The following TSHR variants were observed in gnomAD, a reference collection of about 807,000 sequenced individuals.
TSHR encodes the protein thyroid stimulating hormone receptor, also known as thyrotropin receptor.
A neutral mutation model predicts 64.1 loss-of-function variants in TSHR; 51 were observed. The observed-to-expected ratio is 0.80, with a 90% CI of 0.64 to 1.01. The LOEUF (loss-of-function observed/expected upper bound fraction) is 1.01. Ranked by LOEUF, TSHR falls within the 50% of genes least tolerant of loss-of-function variation. TSHR has a pLI of 0.00. For missense variants in TSHR, 877 were observed against 942.8 expected (o/e 0.93, Z 0.91); for synonymous variants, 361 against 361.9 (o/e 1.00, Z 0.03).
At chr14:80,963,455 C>T (rs1887141815) in intron 1 of TSHR, among the ~76,000 whole-genome samples, 1 of 151,912 alleles carries the variant, frequency 6.6e-6, no homozygotes, top group Non-Finnish European at 1.5e-5. Context: ...GACCCTACAA[C>T]AACAACAAAA....
At chr14:81,059,702 C>G (rs1186885432) in intron 1 of TSHR, among the ~76,000 whole-genome samples, 1 of 152,056 alleles carries the variant, frequency 6.6e-6, no homozygotes, top group Non-Finnish European at 1.5e-5. Flanking sequence ...GACAGATGCT[C>G]TGAGACACAT....
intron 1 of TSHR, among the ~76,000 whole-genome samples, chr14:80,981,735 G>A (rs375544699): frequency 6.6e-6 from 1 of 152,072 alleles, no homozygotes; most frequent in South Asian, 2.1e-4. Context: ...ATTGTCGGAC[G>A]ACCATCAGCT....
At chr14:80,959,965 C>G (rs1054135704) in intron 1 of TSHR, among the ~76,000 whole-genome samples, 8 of 152,096 alleles carry the variant, frequency 5.3e-5, no homozygotes, top group African/African-American at 1.9e-4. Context: ...TAAGAGGTAA[C>G]CAGAAAACTA....
intron 3 of TSHR, among the ~76,000 whole-genome samples, chr14:81,085,258 G>A (rs916629177): frequency 3.9e-5 from 6 of 152,058 alleles, no homozygotes; most frequent in Non-Finnish European, 7.4e-5. Flanking sequence ...ACAGGCATGC[G>A]CCACCACACC....
chr14:81,119,041 A>G (rs572354624), intron 8 of TSHR, among the ~76,000 whole-genome samples: 2,615 of 139,162 alleles, frequency 0.019, 29 homozygotes, highest in Middle Eastern at 0.082. Flanking sequence ...GATGGATTAA[A>G]GACTTAAACG....
intron 1 of TSHR, among the ~76,000 whole-genome samples, chr14:81,042,914 C>T (rs1305282821): frequency 2.0e-5 from 3 of 151,812 alleles, no homozygotes. Context: ...TAAATATGTA[C>T]AATTATAATG....
At chr14:81,106,039 G>C (rs1023564525) in intron 7 of TSHR, among the ~76,000 whole-genome samples, 2 of 152,042 alleles carry the variant, frequency 1.3e-5, no homozygotes, top group Non-Finnish European at 2.9e-5. Flanking sequence ...TTAAAGGAGA[G>C]TCAAACAATG....
chr14:80,990,832 G>A (rs779757995), intron 1 of TSHR, among the ~76,000 whole-genome samples: 1 of 151,990 alleles, frequency 6.6e-6, no homozygotes, highest in Non-Finnish European at 1.5e-5. Context: ...TTTTTATATC[G>A]TTAGTAGAGA....
intron 7 of TSHR, chr14:81,104,182 C>A: frequency 1.0e-6 from 1 of 985,398 alleles, no homozygotes; most frequent in Non-Finnish European, 1.2e-6. Context: ...AAACAGCTGT[C>A]CTGATTTCTG....
intron 1 of TSHR, among the ~76,000 whole-genome samples, chr14:80,998,138 C>T (rs1238815018): frequency 6.6e-6 from 1 of 151,864 alleles, no homozygotes; most frequent in East Asian, 1.9e-4. Context: ...TGATCCAAGA[C>T]AAAAGGACAA....
rs2140110814 is a variant in TSHR at position 81,143,402 on chromosome 14, C to T, written c.1344C>T (p.Val448=). 4.3e-6 allele frequency: 7 copies of T among 1,614,186 alleles called. No individual in the cohort carries two copies. The highest frequency in any genetic ancestry group is 5.9e-6 in the Non-Finnish European group (7 of 1,180,038). Residue 448 remains valine (V), a synonymous_variant, in exon 10 of 10, where the codon GTC becomes GTT. Coordinates refer to ENST00000298171, the MANE Select transcript of TSHR (RefSeq NM_000369.5). ...TCACCAGCCACTACAAACTGAACGT[C>T]CCCCGCTTTCTCATGTGCAACCTGG... is the stretch of plus-strand genomic sequence containing the variant. ...ILLTSHYKLN[V]PRFLMCNLAF...
At chr14:81,015,290 G>A (rs1236269760) in intron 1 of TSHR, among the ~76,000 whole-genome samples, 1 of 152,042 alleles carries the variant, frequency 6.6e-6, no homozygotes, top group Non-Finnish European at 1.5e-5. Context: ...CTAGTTGAAG[G>A]GAAAATGATA....
chr14:81,047,868 G>C (rs189541640), intron 1 of TSHR, among the ~76,000 whole-genome samples: 1 of 151,814 alleles, frequency 6.6e-6, no homozygotes, highest in Non-Finnish European at 1.5e-5. Flanking sequence ...GGATGGTCTC[G>C]ATCTCCTGAC....
At chr14:81,085,725 T>C (rs1444146862) in intron 3 of TSHR, among the ~76,000 whole-genome samples, 1 of 152,202 alleles carries the variant, frequency 6.6e-6, no homozygotes, top group Non-Finnish European at 1.5e-5. Context: ...GGAGCAATTT[T>C]CCAGACTGCA....
At chr14:81,004,659 C>T (rs1341657238) in intron 1 of TSHR, among the ~76,000 whole-genome samples, 5 of 152,160 alleles carry the variant, frequency 3.3e-5, no homozygotes, top group Admixed American at 6.5e-5. Flanking sequence ...TGTCCCTCTC[C>T]AGTTACTCTG....
intron 1 of TSHR, chr14:80,981,845 T>C (rs975409378): frequency 5.8e-6 from 1 of 170,954 alleles, no homozygotes. Context: ...CAAGAGAACA[T>C]AGTGACTGCT....
At chr14:81,102,691 C>A in intron 7 of TSHR, 1 of 640,236 alleles carries the variant, frequency 1.6e-6, no homozygotes, top group Non-Finnish European at 1.9e-6. Context: ...GGTTATGTTC[C>A]AATAAAACTT....
At chr14:81,080,715 C>G (rs946560751) in intron 3 of TSHR, among the ~76,000 whole-genome samples, 5 of 152,104 alleles carry the variant, frequency 3.3e-5, no homozygotes, top group South Asian at 2.1e-4. Flanking sequence ...TAAGACTTCT[C>G]TCATTGAAAA....
chr14:80,984,959 A>C (rs1439987726), intron 1 of TSHR, among the ~76,000 whole-genome samples: 1 of 152,060 alleles, frequency 6.6e-6, no homozygotes, highest in Non-Finnish European at 1.5e-5. Flanking sequence ...TTAAAAAGGT[A>C]ATTGCTTTTG....
Sources: gnomAD v4.1 joint callset for allele counts (sites outside exome capture counted in the v4.1 genomes callset) on GRCh38, gnomAD v4.1.1 for gene constraint, MANE v1.5 for transcripts, NCBI Gene and HGNC (gene_info 2026-07-23, HGNC 2026-07-21) for gene names.